SPHKAP: variants seen among roughly 807,000 people sequenced by gnomAD.
SPHKAP encodes the protein SPHK1 interactor, AKAP domain containing, also known as A-kinase anchor protein SPHKAP.
A neutral mutation model predicts 137.5 loss-of-function variants in SPHKAP; 67 were observed. The ratio of observed to expected loss-of-function variants is 0.49; its 90% confidence interval spans 0.40 to 0.60. The LOEUF (loss-of-function observed/expected upper bound fraction) is 0.60, where lower values mean the gene tolerates loss of function less well. SPHKAP is among the 20% of genes least tolerant of loss of function. The probability of loss-of-function intolerance (pLI) is 0.00; values close to 1 mark genes in which losing one functional copy is unlikely to be tolerated. For missense variants in SPHKAP, 2,097 were observed against 2,069.3 expected, an observed-to-expected ratio of 1.01 and a Z score of -0.26; for synonymous variants, 813 against 785.3, an observed-to-expected ratio of 1.04 and a Z score of -0.59.
intron 3 of SPHKAP, among the ~76,000 whole-genome samples, chr2:228,094,944 G>T (rs1163624511): frequency 6.6e-6 from 1 of 152,066 alleles, no homozygotes; most frequent in East Asian, 1.9e-4. Context: ...TTTAAATATT[G>T]AGAAGAAATA....
chr2:228,108,774 T>G (rs1698420053), intron 3 of SPHKAP, 58 bp downstream of exon 3: 2 of 1,218,850 alleles, frequency 1.6e-6, no homozygotes, highest in Admixed American at 4.1e-5. Context: ...TAAACATGGG[T>G]ACATGTGCCC....
intron 3 of SPHKAP, among the ~76,000 whole-genome samples, chr2:228,030,513 C>CA (rs11287311): frequency 0.065 from 3,135 of 48,508 alleles, 128 homozygotes; most frequent in East Asian, 0.11. Context: ...GATACCATCT[C>CA]AAAAAAAAAA....
intron 2 of SPHKAP, among the ~76,000 whole-genome samples, chr2:228,130,413 C>T (rs1699212559): frequency 6.6e-6 from 1 of 152,112 alleles, no homozygotes; most frequent in Admixed American, 6.6e-5. Flanking sequence ...TCATTGAGTC[C>T]TTGCTTCAAT....
chr2:228,069,026 G>A (rs1379481102), intron 3 of SPHKAP, among the ~76,000 whole-genome samples: 1 of 152,162 alleles, frequency 6.6e-6, no homozygotes, highest in African/African-American at 2.4e-5. Context: ...CAGCACTTTT[G>A]GAGGCTGAGG....
At chr2:228,134,265 T>G (rs966089495) in intron 1 of SPHKAP, among the ~76,000 whole-genome samples, 6 of 138,156 alleles carry the variant, frequency 4.3e-5, no homozygotes, top group Non-Finnish European at 8.1e-5. Flanking sequence ...AGGAAAGAAA[T>G]AAAGAAGGAA....
At chr2:228,001,404 C>T (rs1272954000) in intron 7 of SPHKAP, among the ~76,000 whole-genome samples, 1 of 136,558 alleles carries the variant, frequency 7.3e-6, no homozygotes, top group African/African-American at 2.7e-5. Context: ...AATATATATA[C>T]ATAAATATAT....
intron 1 of SPHKAP, among the ~76,000 whole-genome samples, chr2:228,154,256 C>T (rs1700026121): frequency 6.6e-6 from 1 of 151,342 alleles, no homozygotes; most frequent in Admixed American, 6.6e-5. Flanking sequence ...GGAAAATATA[C>T]CTGCATTTTC....
At chr2:228,024,342 G>GTTTTTT (rs56031418) in intron 5 of SPHKAP, among the ~76,000 whole-genome samples, 1 of 124,542 alleles carries the variant, frequency 8.0e-6, no homozygotes, top group Non-Finnish European at 1.7e-5. Flanking sequence ...TGCAGAGGCA[G>GTTTTTT]TTTTTTTTTT....
chr2:228,121,473 G>A (rs569215850), intron 2 of SPHKAP, among the ~76,000 whole-genome samples: 49 of 152,248 alleles, frequency 3.2e-4, no homozygotes, highest in Non-Finnish European at 6.0e-4. Flanking sequence ...CCATGATCAC[G>A]CTACTGCATT....
At chr2:228,085,139 A>C (rs767059020) in intron 3 of SPHKAP, among the ~76,000 whole-genome samples, 3 of 152,244 alleles carry the variant, frequency 2.0e-5, no homozygotes, top group Non-Finnish European at 4.4e-5. Context: ...TTCTTCTGAC[A>C]CTGCACTGTG....
intron 2 of SPHKAP, among the ~76,000 whole-genome samples, chr2:228,118,768 A>C (rs1348903410): frequency 1.3e-5 from 2 of 152,294 alleles, no homozygotes; most frequent in East Asian, 3.9e-4. Flanking sequence ...TGCCATCCAT[A>C]TTAAGTTTTC....
chr2:228,100,999 C>T lies in SPHKAP; in HGVS notation c.246+7833G>A, dbSNP rs145241914. Reference sequence around the variant, plus strand: ...GAGTGGCCCAGAGCTCAGCCCAAGCCGCTTTCTCTATCTGCACATTCTCCC... The same window carrying T: ...GAGTGGCCCAGAGCTCAGCCCAAGCTGCTTTCTCTATCTGCACATTCTCCC... On this transcript the variant is annotated intron_variant, in intron 3 of 11. Coordinates refer to ENST00000392056, the MANE Select transcript of SPHKAP (RefSeq NM_001142644.2). 4.7e-4 allele frequency among the ~76,000 whole-genome samples: 72 copies of T among 152,254 alleles called. 2 individuals are homozygous for T. The East Asian group carries it at 0.01, about 21-fold the overall frequency.
At chr2:228,134,758 G>A (rs1310820956) in intron 1 of SPHKAP, among the ~76,000 whole-genome samples, 2 of 152,158 alleles carry the variant, frequency 1.3e-5, no homozygotes, top group East Asian at 1.9e-4. Flanking sequence ...AGGATGTAGG[G>A]TCCCACAGCT....
intron 3 of SPHKAP, among the ~76,000 whole-genome samples, chr2:228,045,474 C>T (rs1696005866): frequency 1.3e-5 from 2 of 150,266 alleles, no homozygotes; most frequent in Admixed American, 1.3e-4. Context: ...TGGAAACCAT[C>T]ATTCTCAGCA....
At position 227,991,157 on chromosome 2, in the gene SPHKAP, G is replaced by A; in HGVS notation, c.4802C>T (p.Thr1601Ile). The A allele has an allele frequency of 6.2e-7, 1 of 1,614,080 alleles. No individual in the cohort carries two copies. The change falls in exon 11 of 12, where the codon ACA (threonine) becomes ATA (isoleucine). Residue 1601 changes from threonine to isoleucine, a missense_variant. By Grantham distance (89) the Thr-to-Ile change is moderately conservative. Transcript: ENST00000392056. The part of the protein sequence containing the change: ...EAPASGPPTG[T>I]ASPQRSLLVI... ...CAGCAGGCTCCTCTGGGGGCTGGCT[G>A]TTCCCGTAGGCGGTCCAGATGCAGG...
At chr2:228,175,924 T>TA (rs1244390368) in intron 1 of SPHKAP, among the ~76,000 whole-genome samples, 3 of 152,154 alleles carry the variant, frequency 2.0e-5, no homozygotes, top group Non-Finnish European at 4.4e-5. Context: ...AGTATTAACT[T>TA]AAAAAATCTA....
chr2:228,080,269 T>C (rs1177857833), intron 3 of SPHKAP, among the ~76,000 whole-genome samples: 1 of 151,926 alleles, frequency 6.6e-6, no homozygotes, highest in Non-Finnish European at 1.5e-5. Context: ...ACTCAAACAA[T>C]TCAATAGTAA....
intron 3 of SPHKAP, among the ~76,000 whole-genome samples, chr2:228,041,578 A>C (rs1695845753): frequency 6.9e-6 from 1 of 145,458 alleles, no homozygotes; most frequent in Admixed American, 7.1e-5. Context: ...CAGGAGGCGG[A>C]GGAGGTTGCA....
chr2:228,139,246 A>G (rs1264345512), intron 1 of SPHKAP, among the ~76,000 whole-genome samples: 1 of 152,184 alleles, frequency 6.6e-6, no homozygotes, highest in Non-Finnish European at 1.5e-5. Context: ...TGTTTTCTCT[A>G]AAACACTATG....
Sources: gnomAD v4.1 joint callset for allele counts (sites outside exome capture counted in the v4.1 genomes callset) on GRCh38, gnomAD v4.1.1 for gene constraint, MANE v1.5 for transcripts, NCBI Gene and HGNC (gene_info 2026-07-23, HGNC 2026-07-21) for gene names.